ZCWPW2: variants seen among roughly 807,000 people sequenced by gnomAD.
The protein encoded by ZCWPW2 is zinc finger CW-type and PWWP domain containing 2, also known as zinc finger CW-type PWWP domain protein 2.
A neutral mutation model predicts 46.6 loss-of-function variants in ZCWPW2; 45 were observed. That is an observed-to-expected ratio of 0.96 (90% confidence interval 0.76 to 1.24). ZCWPW2 has a LOEUF of 1.24. Among genes scored for constraint, ZCWPW2 ranks in the 50% most tolerant of loss-of-function variants. The pLI is 0.00. For missense variants in ZCWPW2, 429 were observed against 403.9 expected, an observed-to-expected ratio of 1.06 and a Z score of -0.53; for synonymous variants, 152 against 137.1, an observed-to-expected ratio of 1.11 and a Z score of -0.76.
At chr3:28,435,453 G>A (rs1020165867) in intron 4 of ZCWPW2, among the ~76,000 whole-genome samples, 184 bp downstream of exon 4, 1 of 150,412 alleles carries the variant, frequency 6.6e-6, no homozygotes, top group African/African-American at 2.4e-5. Context: ...TAAAATAGTT[G>A]TGAGAGTTTT....
chr3:28,467,887 A>G (rs6786752), intron 4 of ZCWPW2, among the ~76,000 whole-genome samples: 33,525 of 152,016 alleles, frequency 0.22, 3,994 homozygotes, highest in Admixed American at 0.29. Flanking sequence ...AGACTACAAT[A>G]AATACCTAAC....
chr3:28,380,194 C>T (rs1694986144), intron 1 of ZCWPW2, among the ~76,000 whole-genome samples: 1 of 152,056 alleles, frequency 6.6e-6, no homozygotes, highest in African/African-American at 2.4e-5. Flanking sequence ...CCATGTTAGC[C>T]AGGATGGTCT....
intron 1 of ZCWPW2, among the ~76,000 whole-genome samples, chr3:28,379,199 T>A (rs1705591697): frequency 6.6e-6 from 1 of 152,158 alleles, no homozygotes; most frequent in Non-Finnish European, 1.5e-5. Flanking sequence ...AGCAAATCAG[T>A]GACAGAGTAG....
chr3:28,522,608 G>T (rs2125840393), intron 9 of ZCWPW2, among the ~76,000 whole-genome samples: 1 of 152,238 alleles, frequency 6.6e-6, no homozygotes, highest in Admixed American at 6.5e-5. Flanking sequence ...TATACAGAAT[G>T]TACTACTATG....
intron 1 of ZCWPW2, chr3:28,351,741 G>A (rs914488483): frequency 6.7e-6 from 1 of 148,576 alleles, no homozygotes; most frequent in Non-Finnish European, 1.5e-5. Flanking sequence ...TTTCTTTGTT[G>A]TATATTCTGA....
chr3:28,390,879 T>C (rs1695458956), intron 2 of ZCWPW2, among the ~76,000 whole-genome samples: 1 of 152,124 alleles, frequency 6.6e-6, no homozygotes, highest in Non-Finnish European at 1.5e-5. Context: ...TTTGGGTTGG[T>C]TAGGTGGAAG....
chr3:28,520,896 T>C (rs1700704299), intron 8 of ZCWPW2, 96 bp from the exon 9 acceptor site: 3 of 1,425,638 alleles, frequency 2.1e-6, no homozygotes, highest in Middle Eastern at 1.8e-4. Flanking sequence ...CCTTGTAGCA[T>C]TTAAAAGATT....
At chr3:28,451,833 T>A (rs1177147862) in intron 4 of ZCWPW2, among the ~76,000 whole-genome samples, 1 of 152,070 alleles carries the variant, frequency 6.6e-6, no homozygotes, top group African/African-American at 2.4e-5. Flanking sequence ...ACTGGAAAAA[T>A]ACGTTGGAAA....
At chr3:28,406,887 GCAT>G (rs1213348643) in intron 2 of ZCWPW2, among the ~76,000 whole-genome samples, 1 of 149,492 alleles carries the variant, frequency 6.7e-6, no homozygotes, top group African/African-American at 2.5e-5. Context: ...CACTGCAGTG[GCAT>G]CATCATAGCT....
chr3:28,380,414 GCAAA>G (rs1052961971), intron 1 of ZCWPW2, among the ~76,000 whole-genome samples: 2 of 152,080 alleles, frequency 1.3e-5, no homozygotes, highest in Non-Finnish European at 2.9e-5. Context: ...ACAGAAACGT[GCAAA>G]CAAACAAACA....
At chr3:28,521,504 A>G (rs1313861409) in intron 9 of ZCWPW2, among the ~76,000 whole-genome samples, 1 of 152,218 alleles carries the variant, frequency 6.6e-6, no homozygotes, top group Non-Finnish European at 1.5e-5. Flanking sequence ...CGTCTGGATT[A>G]TGTACCAAGA....
At chr3:28,430,833 G>A (rs531936170) in intron 3 of ZCWPW2, among the ~76,000 whole-genome samples, 3 of 152,098 alleles carry the variant, frequency 2.0e-5, no homozygotes, top group Non-Finnish European at 4.4e-5. Context: ...CTGCTGCCAT[G>A]TGAAGAAGGA....
chr3:28,398,976 T>C (rs1695814571), intron 2 of ZCWPW2, among the ~76,000 whole-genome samples: 1 of 152,162 alleles, frequency 6.6e-6, no homozygotes, highest in Non-Finnish European at 1.5e-5. Flanking sequence ...GTGTGCAGAC[T>C]CTACAGGCGG....
rs553301658 is a variant in ZCWPW2, at chr3:28,453,025, C to T, written c.492+17756C>T. Among the ~76,000 whole-genome samples the T allele has an allele frequency of 2.6e-5, 4 of 152,190 alleles. 1 individual carries two copies. The highest frequency in any genetic ancestry group is 4.1e-4 in the South Asian group (2 of 4,822). On this transcript the variant is annotated intron_variant, in intron 4 of 9. Coordinates refer to ENST00000383768, the MANE Select transcript of ZCWPW2 (RefSeq NM_001040432.4). ...TTGCTGCAATGTTTTCATAGTTTAG[C>T]GTAAACAGAAGTGTCAAGAACTATT...
intron 1 of ZCWPW2, among the ~76,000 whole-genome samples, chr3:28,374,693 T>C (rs62251142): frequency 0.21 from 31,948 of 152,030 alleles, 3,741 homozygotes; most frequent in Admixed American, 0.28. Flanking sequence ...CTTTCACTTA[T>C]TTGGTTAAAT....
At chr3:28,508,304 G>C (rs570454743) in intron 6 of ZCWPW2, among the ~76,000 whole-genome samples, 1 of 151,934 alleles carries the variant, frequency 6.6e-6, no homozygotes, top group Non-Finnish European at 1.5e-5. Context: ...CAAAATTATT[G>C]CACCAATATT....
At chr3:28,434,652 T>C (rs932342139) in intron 3 of ZCWPW2, among the ~76,000 whole-genome samples, 8 of 152,216 alleles carry the variant, frequency 5.3e-5, no homozygotes, top group Non-Finnish European at 1.0e-4. Context: ...GCTATCAGGA[T>C]TCCTTTGGCA....
In ZCWPW2 at chr3:28,421,732, G is replaced by GT. The variant is rs373384685; in HGVS notation, c.332+8342dup. 8.1e-3 allele frequency among the ~76,000 whole-genome samples: 1,196 copies of GT among 146,942 alleles called. 16 individuals are homozygous for GT. Among genetic ancestry groups the GT allele is most frequent in the African/African-American group, 0.027 (1,074 of 40,202 alleles). ...TCTTCAACTTTGAGAATCTTTTTAT[G>GT]TTTTTTTTTTCATATATAACATGCA... On this transcript the variant is annotated intron_variant, in intron 3 of 9. Coordinates refer to ENST00000383768, the MANE Select transcript of ZCWPW2 (RefSeq NM_001040432.4).
rs745640985 is a variant in ZCWPW2 at position 28,435,278 on chromosome 3, C to T, written c.492+9C>T. 17 of 1,582,718 alleles carry T rather than the reference C, an allele frequency of 1.1e-5. No homozygotes were observed. The highest frequency in any genetic ancestry group is 2.0e-5 in the Admixed American group (1 of 50,638). ...ATAGTATCACATTAAAGGTAGGTAT[C>T]ATAACATCAAAACTTTATTCTTCTT... On this transcript the variant is annotated intron_variant, in intron 4 of 9. Transcript: ENST00000383768.
Sources: gnomAD v4.1 joint callset for allele counts (sites outside exome capture counted in the v4.1 genomes callset) on GRCh38, gnomAD v4.1.1 for gene constraint, MANE v1.5 for transcripts, NCBI Gene and HGNC (gene_info 2026-07-23, HGNC 2026-07-21) for gene names.